The following ULK4 variants were observed in gnomAD, a reference collection of about 807,000 sequenced individuals.
ULK4 encodes inactive serine/threonine-protein kinase ULK4.
In ULK4, 133 loss-of-function variants were observed where a neutral mutation model predicts 160.6. The ratio of observed to expected loss-of-function variants is 0.83; its 90% CI spans 0.72 to 0.96. ULK4 has a LOEUF of 0.96. Among genes scored for constraint, ULK4 ranks in the 40% least tolerant of loss-of-function variants. The pLI is 0.00. For missense variants in ULK4, 1,580 were observed against 1,499.5 expected, an observed-to-expected ratio of 1.05 and a Z score of -0.89; for synonymous variants, 534 against 539.8, an observed-to-expected ratio of 0.99 and a Z score of 0.15.
chr3:41,746,267 A>C, intron 22 of ULK4, among the ~76,000 whole-genome samples: 1 of 117,860 alleles, frequency 8.5e-6, no homozygotes, highest in African/African-American at 3.2e-5. Flanking sequence ...ATCTCCTGGA[A>C]CCCACAAAAA....
rs771892052 is a variant in ULK4 at position 41,897,010 on chromosome 3, T to C, written c.1349-7A>G. The C allele has an allele frequency of 8.8e-6, 14 of 1,595,654 alleles. No individual in the cohort carries two copies. The highest frequency in any genetic ancestry group is 2.2e-5 in the East Asian group (1 of 44,694). On this transcript the variant is annotated splice_region_variant and splice_polypyrimidine_tract_variant and intron_variant, in intron 14 of 36. Transcript: ENST00000301831. The stretch of plus-strand genomic sequence containing the variant: ...AGAAATAATAACTTATCCACTGCGA[T>C]GGAAAGAAAATAATAAAAGTACATA...
intron 30 of ULK4, among the ~76,000 whole-genome samples, chr3:41,618,849 G>C (rs1448727204): frequency 3.3e-5 from 5 of 151,906 alleles, no homozygotes; most frequent in Non-Finnish European, 5.9e-5. Context: ...AAAGAGTCAA[G>C]ACCCATTGGG....
chr3:41,888,320 AATG>A, intron 16 of ULK4, among the ~76,000 whole-genome samples: 1 of 152,320 alleles, frequency 6.6e-6, no homozygotes, highest in East Asian at 1.9e-4. Context: ...CTTTTTATTA[AATG>A]ATAACTGATA....
At chr3:41,612,568 T>C (rs1018657662) in intron 31 of ULK4, among the ~76,000 whole-genome samples, 2 of 152,190 alleles carry the variant, frequency 1.3e-5, no homozygotes, top group Non-Finnish European at 2.9e-5. Flanking sequence ...TAATTTTTAT[T>C]TTTTCTCCAA....
intron 35 of ULK4, among the ~76,000 whole-genome samples, chr3:41,376,043 C>A (rs1394999356): frequency 2.0e-5 from 3 of 150,404 alleles, no homozygotes; most frequent in African/African-American, 7.4e-5. Flanking sequence ...AGCTCATCAT[C>A]GCTGGTCATT....
intron 31 of ULK4, among the ~76,000 whole-genome samples, chr3:41,586,656 T>G (rs911568947): frequency 6.6e-5 from 10 of 152,166 alleles, no homozygotes; most frequent in Non-Finnish European, 1.3e-4. Context: ...ATGTGGTTTT[T>G]GCCACAATAG....
rs777075861 is a variant in ULK4 at position 41,246,979 on chromosome 3, T to C, written c.3778A>G (p.Ser1260Gly). Residue 1260 changes from serine (S) to glycine (G), a missense_variant, in exon 37 of 37, where the codon AGT becomes GGT. By Grantham distance (56) the Ser-to-Gly change is moderately conservative (BLOSUM62 0). Coordinates refer to ENST00000301831, the MANE Select transcript of ULK4 (RefSeq NM_017886.4). ...LAPGSGSFADSAVAPLALEIL... is the reference protein window; with the variant it reads ...LAPGSGSFADGAVAPLALEIL... ...TCCAGGGCCAAGGGAGCCACCGCAC[T>C]GTCGGCAAATGAACTGTAAGAAAAA... 9 of 1,613,926 alleles carry C rather than the reference T, an allele frequency of 5.6e-6. No homozygotes were observed. Among genetic ancestry groups the C allele is most frequent in the South Asian group, 1.1e-5 (1 of 90,954 alleles).
chr3:41,683,368 T>C (rs1270157384), intron 27 of ULK4, among the ~76,000 whole-genome samples: 4 of 151,964 alleles, frequency 2.6e-5, no homozygotes, highest in African/African-American at 7.3e-5. Flanking sequence ...CAGTAACATA[T>C]TCATTCAGGG....
At chr3:41,740,630 T>C (rs562202899) in intron 22 of ULK4, among the ~76,000 whole-genome samples, 2 of 152,008 alleles carry the variant, frequency 1.3e-5, no homozygotes, top group South Asian at 2.1e-4. Flanking sequence ...AAATGTAAAA[T>C]GTAATCCATA....
chr3:41,658,154 T>C (rs139840382), intron 30 of ULK4, among the ~76,000 whole-genome samples: 5 of 152,332 alleles, frequency 3.3e-5, no homozygotes, highest in African/African-American at 4.8e-5. Context: ...TTTGAATTAA[T>C]AGGCACTTGT....
intron 17 of ULK4, among the ~76,000 whole-genome samples, chr3:41,840,150 C>G (rs983601023): frequency 1.3e-5 from 2 of 152,104 alleles, no homozygotes; most frequent in Admixed American, 6.5e-5. Flanking sequence ...AAATGTGGGC[C>G]AGGCACAGTG....
chr3:41,710,564 C>G (rs1307048501), intron 25 of ULK4, among the ~76,000 whole-genome samples: 1 of 151,970 alleles, frequency 6.6e-6, no homozygotes, highest in Non-Finnish European at 1.5e-5. Context: ...GAGGCTGAGG[C>G]AGGCGGATCA....
intron 12 of ULK4, 43 bp downstream of exon 12, chr3:41,907,802 T>G (rs771208230): frequency 7.7e-7 from 1 of 1,297,118 alleles, no homozygotes; most frequent in South Asian, 1.5e-5. Context: ...TCTTGTGAGC[T>G]TCTACATCTT....
intron 35 of ULK4, among the ~76,000 whole-genome samples, chr3:41,354,095 A>T (rs1391426510): frequency 6.6e-6 from 1 of 152,088 alleles, no homozygotes; most frequent in African/African-American, 2.4e-5. Context: ...TGCCAAGGAA[A>T]CTCATCCCAG....
chr3:41,841,144 C>A (rs2041910557), intron 17 of ULK4, among the ~76,000 whole-genome samples: 1 of 103,652 alleles, frequency 9.6e-6, no homozygotes, highest in African/African-American at 6.1e-5. Flanking sequence ...CGGCCGCCAC[C>A]CCGTCTGGGA....
chr3:41,913,221 CTTTTT>C (rs562065017), intron 8 of ULK4: 357 of 99,748 alleles, frequency 3.6e-3, no homozygotes, highest in South Asian at 0.015. Context: ...ATTTGAAATT[CTTTTT>C]TTTTTTTTTT....
intron 2 of ULK4, among the ~76,000 whole-genome samples, chr3:41,938,779 G>C (rs193159107): frequency 6.6e-6 from 1 of 152,086 alleles, no homozygotes; most frequent in Non-Finnish European, 1.5e-5. Context: ...ATAGAAAAAC[G>C]ACCAGAGGAT....
chr3:41,764,076 A>G (rs2039077855), intron 21 of ULK4, among the ~76,000 whole-genome samples: 1 of 152,228 alleles, frequency 6.6e-6, no homozygotes, highest in Non-Finnish European at 1.5e-5. Context: ...AAGGACACCT[A>G]TTTAAATCTC....
chr3:41,313,696 A>T (rs1343203269), intron 35 of ULK4, among the ~76,000 whole-genome samples: 1 of 152,226 alleles, frequency 6.6e-6, no homozygotes, highest in African/African-American at 2.4e-5. Flanking sequence ...GTGCTGCTTT[A>T]GTTAAACCAT....
Sources: allele counts gnomAD v4.1 joint callset (sites outside exome capture counted in the v4.1 genomes callset), GRCh38; gene constraint gnomAD v4.1.1; transcripts MANE v1.5; gene names NCBI Gene and HGNC (gene_info 2026-07-23, HGNC 2026-07-21).